Variants in AP5Z1 observed in about 807,000 individuals in gnomAD.
The protein encoded by AP5Z1 is AP-5 complex subunit zeta-1.
AP5Z1 carries 106 observed loss-of-function variants against 83.0 expected under a neutral mutation model. The ratio of observed to expected loss-of-function variants is 1.28; its 90% confidence interval spans 1.09 to 1.50. AP5Z1 has a LOEUF of 1.50. AP5Z1 is among the 40% of genes most tolerant of loss of function. The probability of loss-of-function intolerance (pLI) is 0.00; values close to 1 mark genes in which losing one functional copy is unlikely to be tolerated. For missense variants in AP5Z1, 1,565 were observed against 1,094.2 expected (o/e 1.43, Z -6.07); for synonymous variants, 751 against 514.1 (o/e 1.46, Z -6.23).
At chr7:4,790,266 C>T (rs767637725) in intron 14 of AP5Z1, 193 bp from the exon 15 acceptor site, 56 of 1,543,634 alleles carry the variant, frequency 3.6e-5, no homozygotes, top group Non-Finnish European at 4.3e-5. Context: ...GGCCTGAGGC[C>T]AGCGCTGGTG....
intron 15 of AP5Z1, 31 bp downstream of exon 15, chr7:4,790,622 T>C: frequency 6.2e-7 from 1 of 1,612,298 alleles, no homozygotes. Context: ...CCACAGCCGC[T>C]CCTGACCCAG....
intron 8 of AP5Z1, 30 bp from the exon 9 acceptor site, chr7:4,785,492 G>A (rs201888470): frequency 3.8e-5 from 62 of 1,613,134 alleles, no homozygotes; most frequent in East Asian, 2.9e-4. Flanking sequence ...GCAGCGACTC[G>A]GCCCATTTGA....
intron 10 of AP5Z1, among the ~76,000 whole-genome samples, chr7:4,787,288 C>G (rs1176818700): frequency 1.3e-5 from 2 of 151,872 alleles, no homozygotes; most frequent in African/African-American, 4.8e-5. Context: ...GCCAGGAGTT[C>G]AAGACCAGCC....
rs925578548 is a variant in AP5Z1, at chr7:4,793,402, T to G, written c.*2017T>G. 2 of 152,582 alleles carry G rather than the reference T, an allele frequency of 1.3e-5. No individual in the cohort carries two copies. Among genetic ancestry groups the G allele is most frequent in the South Asian group, 2.1e-4 (1 of 4,838 alleles). 9.5% of individuals were successfully genotyped at this position (152,582 alleles called of 1,614,324 possible). Reference sequence around the variant, plus strand: ...ACAGCCCTCGCTCGCTCTTGGCGCCTCCTCTGCCTGGGCTCCCACTTTGGC... The same window carrying G: ...ACAGCCCTCGCTCGCTCTTGGCGCCGCCTCTGCCTGGGCTCCCACTTTGGC... On this transcript the variant is annotated 3_prime_UTR_variant, in exon 17 of 17. Coordinates refer to ENST00000649063, the MANE Select transcript of AP5Z1 (RefSeq NM_014855.3).
At chr7:4,784,395 TCAGA>T (rs1781474681) in intron 6 of AP5Z1, 24 bp downstream of exon 6, 1 of 1,049,088 alleles carries the variant, frequency 9.5e-7, no homozygotes, top group South Asian at 1.3e-5. Flanking sequence ...GGGGATGACG[TCAGA>T]CAGGGGTGGG....
chr7:4,791,179 A>C lies in AP5Z1; in HGVS notation c.2218A>C (p.Ser740Arg). The C allele has an allele frequency of 6.2e-7, 1 of 1,611,408 alleles. No homozygotes were observed. The highest frequency in any genetic ancestry group is 8.5e-7 in the Non-Finnish European group (1 of 1,179,620). Reference protein sequence around the residue: ...AHSPATSSTHSEEGAEAIRTR... With the variant: ...AHSPATSSTHREEGAEAIRTR... ...CAGTCCAGCCACCAGCTCCACGCAC[A>C]GCGAGGAGGGCGCGGAAGCCATCCG... Residue 740 changes from serine (S) to arginine (R), a missense_variant, in exon 17 of 17, where the codon AGC becomes CGC. Physicochemically the swap from Ser to Arg is moderately radical, Grantham distance 110 (BLOSUM62 -1). Transcript: ENST00000649063.
At chr7:4,790,407 G>C (rs771110818) in intron 14 of AP5Z1, 52 bp from the exon 15 acceptor site, 1 of 1,611,786 alleles carries the variant, frequency 6.2e-7, no homozygotes, top group African/African-American at 1.3e-5. Flanking sequence ...CCTGGATGGG[G>C]ATGGGGTCAT....
intron 1 of AP5Z1, among the ~76,000 whole-genome samples, chr7:4,777,220 C>T (rs1413386709): frequency 1.3e-5 from 2 of 152,022 alleles, no homozygotes. Flanking sequence ...ATACTGGCAT[C>T]TCAGCATGTA....
chr7:4,779,374 A>G (rs577608026), intron 1 of AP5Z1, among the ~76,000 whole-genome samples: 1 of 144,716 alleles, frequency 6.9e-6, no homozygotes, highest in Admixed American at 6.9e-5. Context: ...AACGTGTTAT[A>G]TGTCATATAA....
Position 4,784,970 on chromosome 7 carries a change from C to A in AP5Z1, c.853C>A (p.Arg285Ser). 6.2e-7 allele frequency: 1 copy of A among 1,612,122 alleles called. No individual in the cohort carries two copies. Among genetic ancestry groups the A allele is most frequent in the Non-Finnish European group, 8.5e-7 (1 of 1,179,462 alleles). Reference protein sequence around the residue: ...SVISATSSAGRLLPPRERLRE... With the variant: ...SVISATSSAGSLLPPRERLRE... ...GATCTCCGCCACCTCCTCTGCCGGC[C>A]GCCTGCTGCCGCCCCGGGAGCGGCT... is the stretch of plus-strand genomic sequence containing the variant. Residue 285 changes from arginine (R) to serine (S), a missense_variant, in exon 7 of 17, where the codon CGC (arginine) becomes AGC (serine). By Grantham distance (110) the Arg-to-Ser change is moderately radical. Transcript: ENST00000649063.
chr7:4,783,404 AC>A lies in AP5Z1; in HGVS notation c.457del (p.Leu153SerfsTer66). ...CAGCCTGAGGGACCCAGCCTCAGAC[AC>A]CTCCTCCCCGTCATGGCCAAGGTCG... ...SRQPEGPSLR[H>X]LLPVMAKVVV... On this transcript the variant is annotated frameshift_variant, in exon 4 of 17. Coordinates refer to ENST00000649063, the MANE Select transcript of AP5Z1 (RefSeq NM_014855.3). LOFTEE classifies it high-confidence loss of function. The A allele has an allele frequency of 6.2e-7, 1 of 1,612,762 alleles. No homozygotes were observed. The highest frequency in any genetic ancestry group is 8.5e-7 in the Non-Finnish European group (1 of 1,179,692).
At position 4,794,351 on chromosome 7, in the gene AP5Z1, G is replaced by C. The variant is rs972221982; in HGVS notation, c.*2966G>C. On this transcript the variant is annotated 3_prime_UTR_variant, in exon 17 of 17. Coordinates refer to ENST00000649063, the MANE Select transcript of AP5Z1 (RefSeq NM_014855.3). ...CCACTCGGGTCCCCTTCCACACCGG[G>C]ATGCTTTGTTTGTTCGCTCTTTGCA... is the stretch of plus-strand genomic sequence containing the variant. 6.6e-6 allele frequency: 1 copy of C among 152,380 alleles called. No individual in the cohort carries two copies. Among genetic ancestry groups the C allele is most frequent in the Non-Finnish European group, 1.5e-5 (1 of 68,182 alleles). The allele number at this position is 152,380 out of a possible 1,614,324, so 9.4% of individuals were successfully genotyped here.
In AP5Z1 at chr7:4,788,997, T is replaced by C. The variant is rs7803727; in HGVS notation, c.1707+46T>C. ...CCCCCATTCCCACAGGCCTCACAAC[T>C]GAGGGGCAGGCCAGAGCCAGCACTG... On this transcript the variant is annotated intron_variant, in intron 13 of 16. Transcript: ENST00000649063. 0.14 allele frequency: 208,876 copies of C among 1,540,004 alleles called. 17,528 individuals carry two copies. Among genetic ancestry groups the C allele is most frequent in the African/African-American group, 0.36 (26,730 of 73,260 alleles).
chr7:4,787,310 G>C (rs1297216537), intron 10 of AP5Z1, among the ~76,000 whole-genome samples: 1 of 151,938 alleles, frequency 6.6e-6, no homozygotes, highest in African/African-American at 2.4e-5. Context: ...GGGCAACACA[G>C]GGAGACCTCT....
chr7:4,790,953 T>TA (rs1198530080), intron 16 of AP5Z1, 66 bp downstream of exon 16: 2 of 1,502,424 alleles, frequency 1.3e-6, no homozygotes, highest in African/African-American at 2.8e-5. Flanking sequence ...TCTGAGGTCT[T>TA]CCCATCCAGG....
intron 10 of AP5Z1, among the ~76,000 whole-genome samples, chr7:4,787,267 A>G (rs1385023169): frequency 6.6e-6 from 1 of 151,780 alleles, no homozygotes; most frequent in African/African-American, 2.4e-5. Context: ...CCAAGGCAGG[A>G]GGATCTTGAG....
At chr7:4,786,104 C>T (rs1289291846) in intron 9 of AP5Z1, 146 bp from the exon 10 acceptor site, 9 of 763,428 alleles carry the variant, frequency 1.2e-5, no homozygotes, top group Non-Finnish European at 1.6e-5. Context: ...AGACCAAGTG[C>T]CGCTTCCCCA....
chr7:4,777,742 G>T (rs955923826), intron 1 of AP5Z1, among the ~76,000 whole-genome samples: 1 of 152,088 alleles, frequency 6.6e-6, no homozygotes, highest in South Asian at 2.1e-4. Flanking sequence ...CGGGTGGGCA[G>T]CCGTTTTTGA....
chr7:4,786,134 C>T (rs573495457), intron 9 of AP5Z1, 116 bp from the exon 10 acceptor site: 2 of 1,146,250 alleles, frequency 1.7e-6, no homozygotes, highest in Non-Finnish European at 2.4e-6. Flanking sequence ...CGTAGGACGC[C>T]TCGGAGCCCT....
Sources: gnomAD v4.1 joint callset for allele counts (sites outside exome capture counted in the v4.1 genomes callset) on GRCh38, gnomAD v4.1.1 for gene constraint, MANE v1.5 for transcripts, NCBI Gene and HGNC (gene_info 2026-07-23, HGNC 2026-07-21) for gene names.